The following AFG2A variants were observed in gnomAD, a reference collection of about 807,000 sequenced individuals.
AFG2A encodes ATPase family gene 2 protein homolog A.
At chr4:122,957,459 T>C in the AFG2A span, among the ~76,000 whole-genome samples, 2 of 152,242 alleles carry the variant, frequency 1.3e-5, no homozygotes, top group Non-Finnish European at 2.9e-5. Context: ...AGTAGGACTA[T>C]GTTCCAAGTG....
the AFG2A span, among the ~76,000 whole-genome samples, chr4:123,048,737 T>C: frequency 6.6e-6 from 1 of 152,184 alleles, no homozygotes; most frequent in African/African-American, 2.4e-5. Context: ...GGGAATTTAC[T>C]GAGTTCATTA....
chr4:123,302,070 T>A, the AFG2A span, among the ~76,000 whole-genome samples: 2 of 152,150 alleles, frequency 1.3e-5, no homozygotes, highest in African/African-American at 4.8e-5. Context: ...GTCTGACAGA[T>A]GAGGAAACAT....
At chr4:123,213,695 T>C in the AFG2A span, among the ~76,000 whole-genome samples, 1 of 152,194 alleles carries the variant, frequency 6.6e-6, no homozygotes, top group Non-Finnish European at 1.5e-5. Context: ...GGGGTAGCTT[T>C]CTCTTGTAGA....
At chr4:123,129,814 T>C in the AFG2A span, among the ~76,000 whole-genome samples, 2 of 152,262 alleles carry the variant, frequency 1.3e-5, no homozygotes, top group South Asian at 2.1e-4. Context: ...GATTCAACCA[T>C]CTACTTACAT....
At chr4:123,189,613 C>A in the AFG2A span, among the ~76,000 whole-genome samples, 49 of 152,010 alleles carry the variant, frequency 3.2e-4, no homozygotes, top group African/African-American at 1.1e-3. Context: ...TGGCTGTACC[C>A]AGAACAACAG....
the AFG2A span, among the ~76,000 whole-genome samples, chr4:123,081,086 A>G: frequency 7.9e-5 from 12 of 152,208 alleles, no homozygotes; most frequent in Non-Finnish European, 1.3e-4. Flanking sequence ...GTTACAATCT[A>G]TAAACCTACA....
the AFG2A span, among the ~76,000 whole-genome samples, chr4:122,967,666 T>C: frequency 2.0e-5 from 3 of 152,136 alleles, no homozygotes; most frequent in Non-Finnish European, 2.9e-5. Flanking sequence ...TTCCCAAAAC[T>C]GTTTTTATTA....
the AFG2A span, among the ~76,000 whole-genome samples, chr4:122,948,387 TACACACAC>T: frequency 1.1e-3 from 141 of 129,614 alleles, no homozygotes; most frequent in South Asian, 3.9e-3. Context: ...CTCCAGAGTA[TACACACAC>T]ACACACACAC....
At chr4:122,980,909 C>G in the AFG2A span, among the ~76,000 whole-genome samples, 1 of 151,820 alleles carries the variant, frequency 6.6e-6, no homozygotes, top group South Asian at 2.1e-4. Context: ...GATAGCAGCC[C>G]CTTACCTCAT....
chr4:122,947,121 G>T, the AFG2A span: 1 of 992,848 alleles, frequency 1.0e-6, no homozygotes, highest in Admixed American at 3.5e-5. Context: ...ATAGGACTTA[G>T]TAGCCTGGAC....
chr4:123,010,782 G>A, the AFG2A span, among the ~76,000 whole-genome samples: 2 of 152,186 alleles, frequency 1.3e-5, no homozygotes, highest in East Asian at 3.9e-4. Flanking sequence ...CATTGAACTC[G>A]CTCTGTGCCT....
the AFG2A span, among the ~76,000 whole-genome samples, chr4:123,136,057 T>C: frequency 6.6e-6 from 1 of 152,182 alleles, no homozygotes; most frequent in Non-Finnish European, 1.5e-5. Flanking sequence ...AATTTCCAAA[T>C]ATTTGGAAAT....
At chr4:123,057,092 T>C in the AFG2A span, 2 of 965,456 alleles carry the variant, frequency 2.1e-6, no homozygotes, top group Non-Finnish European at 3.3e-6. Flanking sequence ...ACAAAGTGAC[T>C]GGGCTTGTTG....
the AFG2A span, among the ~76,000 whole-genome samples, chr4:123,277,867 C>G: frequency 6.6e-6 from 1 of 152,034 alleles, no homozygotes; most frequent in Non-Finnish European, 1.5e-5. Flanking sequence ...CTACTGGATT[C>G]GGTTTGCTAG....
At chr4:123,280,573 C>T in the AFG2A span, among the ~76,000 whole-genome samples, 2 of 152,210 alleles carry the variant, frequency 1.3e-5, no homozygotes. Flanking sequence ...TTGCCTTTTT[C>T]AGCTTTCTGA....
At chr4:122,963,986 C>T in the AFG2A span, among the ~76,000 whole-genome samples, 1 of 152,234 alleles carries the variant, frequency 6.6e-6, no homozygotes, top group South Asian at 2.1e-4. Flanking sequence ...GTCTACCCAG[C>T]TGTGAATCTT....
At chr4:123,282,113 G>A in the AFG2A span, among the ~76,000 whole-genome samples, 1 of 152,156 alleles carries the variant, frequency 6.6e-6, no homozygotes, top group Non-Finnish European at 1.5e-5. Context: ...CAGGCTGTGT[G>A]TATGTGAGGG....
the AFG2A span, among the ~76,000 whole-genome samples, chr4:122,946,391 T>A: frequency 1.3e-5 from 2 of 152,274 alleles, no homozygotes; most frequent in Non-Finnish European, 2.9e-5. Flanking sequence ...GTGATACTGA[T>A]GTTTTAGTCT....
chr4:122,979,295 G>T, the AFG2A span: 20 of 1,614,228 alleles, frequency 1.2e-5, no homozygotes, highest in Non-Finnish European at 1.7e-5. Context: ...AAGGTGGCTG[G>T]ACTGGTGAAG....
Sources: gnomAD v4.1 joint callset for allele counts (sites outside exome capture counted in the v4.1 genomes callset) on GRCh38, gnomAD v4.1.1 for gene constraint, MANE v1.5 for transcripts, NCBI Gene and HGNC (gene_info 2026-07-23, HGNC 2026-07-21) for gene names.